Variants in TK2 observed in about 807,000 individuals in gnomAD.
TK2 encodes thymidine kinase 2, mitochondrial.
Under a neutral mutation model 41.9 loss-of-function variants are expected in TK2, and 35 were observed. The observed-to-expected ratio is 0.84, with a 90% CI of 0.64 to 1.11. The LOEUF (loss-of-function observed/expected upper bound fraction) is 1.11, where lower values mean the gene tolerates loss of function less well. Among genes scored for constraint, TK2 ranks in the 50% least tolerant of loss-of-function variants. The pLI, the probability that TK2 is intolerant of heterozygous loss-of-function variation, is 0.00. For synonymous variants in TK2, 128 were observed against 129.1 expected, an observed-to-expected ratio of 0.99 and a Z score of 0.06; for missense variants, 320 against 351.1, an observed-to-expected ratio of 0.91 and a Z score of 0.71.
chr16:66,545,558 TCACG>T (rs1965581171), intron 2 of TK2, among the ~76,000 whole-genome samples: 1 of 152,182 alleles, frequency 6.6e-6, no homozygotes, highest in South Asian at 2.1e-4. Context: ...GAGCGGTGGC[TCACG>T]CCTGTAATCC....
At chr16:66,548,209 A>G (rs1489045793) in intron 2 of TK2, 4 of 378,500 alleles carry the variant, frequency 1.1e-5, no homozygotes, top group South Asian at 3.8e-5. Flanking sequence ...AATCCTCTCT[A>G]TGTGGTTTCA....
At chr16:66,524,558 G>A (rs553132842) in intron 6 of TK2, among the ~76,000 whole-genome samples, 5 of 152,128 alleles carry the variant, frequency 3.3e-5, no homozygotes, top group Middle Eastern at 3.4e-3. Flanking sequence ...GGCTGGTCTC[G>A]AACTCCTGGC....
chr16:66,536,684 C>A, intron 4 of TK2, among the ~76,000 whole-genome samples: 1 of 152,060 alleles, frequency 6.6e-6, no homozygotes, highest in East Asian at 1.9e-4. Context: ...GAATGAGCAA[C>A]AAGAAATGGA....
At chr16:66,530,279 T>C (rs1965068912) in intron 5 of TK2, among the ~76,000 whole-genome samples, 2 of 152,246 alleles carry the variant, frequency 1.3e-5, no homozygotes, top group African/African-American at 4.8e-5. Context: ...CAGTGTTAAC[T>C]GGCTGTAGGG....
At chr16:66,542,820 C>T (rs1366832170) in intron 2 of TK2, among the ~76,000 whole-genome samples, 1 of 152,198 alleles carries the variant, frequency 6.6e-6, no homozygotes. Flanking sequence ...ACAGGGATGC[C>T]ACAGCCCAGA....
intron 4 of TK2, among the ~76,000 whole-genome samples, chr16:66,532,822 A>G (rs1965157507): frequency 6.6e-6 from 1 of 152,078 alleles, no homozygotes; most frequent in African/African-American, 2.4e-5. Flanking sequence ...TACAGATTCA[A>G]TGTAATCTCT....
rs1254720687 is a variant in TK2, at chr16:66,550,090, G to A, written c.-29C>T. On this transcript the variant is annotated 5_prime_UTR_variant, in exon 1 of 10. Coordinates refer to ENST00000544898, the MANE Select transcript of TK2 (RefSeq NM_004614.5). Reference sequence around the variant, plus strand: ...CGGGCGAGCGGATCCAGAGGCCCGGGGTTCCTTCTTGTGCGAGTCGGCGCG... The same window carrying A: ...CGGGCGAGCGGATCCAGAGGCCCGGAGTTCCTTCTTGTGCGAGTCGGCGCG... The A allele has an allele frequency of 2.5e-6, 4 of 1,604,816 alleles. No individual in the cohort carries two copies. Among genetic ancestry groups the A allele is most frequent in the Admixed American group, 3.4e-5 (2 of 58,446 alleles).
At chr16:66,530,360 G>A (rs1965072252) in intron 5 of TK2, among the ~76,000 whole-genome samples, 1 of 152,144 alleles carries the variant, frequency 6.6e-6, no homozygotes, top group Non-Finnish European at 1.5e-5. Flanking sequence ...TGAAACATAG[G>A]TGCTGATCAG....
chr16:66,512,930 C>T (rs1597073100), intron 9 of TK2, among the ~76,000 whole-genome samples: 1 of 152,322 alleles, frequency 6.6e-6, no homozygotes, highest in East Asian at 1.9e-4. Flanking sequence ...TGCCTCACAT[C>T]CCATCAAACA....
intron 8 of TK2, among the ~76,000 whole-genome samples, chr16:66,515,222 C>T (rs1190291737): frequency 6.6e-6 from 1 of 151,924 alleles, no homozygotes; most frequent in Non-Finnish European, 1.5e-5. Flanking sequence ...TTTACTGCCA[C>T]TTTTGCAGCA....
chr16:66,549,908 C>T (rs1006230188), intron 1 of TK2, 30 bp downstream of exon 1: 13 of 1,344,126 alleles, frequency 9.7e-6, no homozygotes, highest in African/African-American at 1.5e-5. Flanking sequence ...CATAGGGGCT[C>T]CTGGGAGGCG....
At chr16:66,532,573 C>T (rs1372484104) in intron 4 of TK2, among the ~76,000 whole-genome samples, 1 of 151,732 alleles carries the variant, frequency 6.6e-6, no homozygotes, top group Non-Finnish European at 1.5e-5. Flanking sequence ...CCACTGTACT[C>T]CAGCCTGGAT....
chr16:66,511,510 A>G lies in TK2; in HGVS notation c.*458T>C, dbSNP rs1964449199. 3.7e-6 allele frequency: 1 copy of G among 273,008 alleles called. No individual in the cohort carries two copies. The highest frequency in any genetic ancestry group is 2.2e-5 in the African/African-American group (1 of 44,892). 16.9% of individuals were successfully genotyped at this position (273,008 alleles called of 1,614,324 possible). On this transcript the variant is annotated 3_prime_UTR_variant, in exon 10 of 10. Coordinates refer to ENST00000544898, the MANE Select transcript of TK2 (RefSeq NM_004614.5). The stretch of plus-strand genomic sequence containing the variant: ...GTCGGCTGAAAGTCTGAATGGTGCC[A>G]GCTCCACTGCACACAGGCTGTGTGA...
chr16:66,546,740 TCCC>T (rs1965619892), intron 2 of TK2: 1 of 151,702 alleles, frequency 6.6e-6, no homozygotes, highest in Non-Finnish European at 1.5e-5. Flanking sequence ...TTTATTGAAC[TCCC>T]TACTATTTGA....
intron 6 of TK2, among the ~76,000 whole-genome samples, chr16:66,522,541 T>C (rs1261020941): frequency 1.3e-5 from 2 of 152,216 alleles, no homozygotes; most frequent in African/African-American, 4.8e-5. Context: ...ACCTTCAGCT[T>C]TTCATGCCAG....
intron 6 of TK2, among the ~76,000 whole-genome samples, chr16:66,520,287 C>A (rs184625553): frequency 3.4e-4 from 52 of 152,258 alleles, no homozygotes; most frequent in Admixed American, 1.4e-3. Flanking sequence ...TGCCTCCCTG[C>A]CTCCTCTCCG....
At chr16:66,543,368 G>A (rs1965512771) in intron 2 of TK2, among the ~76,000 whole-genome samples, 1 of 152,210 alleles carries the variant, frequency 6.6e-6, no homozygotes, top group African/African-American at 2.4e-5. Context: ...TGGAGCCCTT[G>A]AACCTGTAGC....
chr16:66,519,813 C>T (rs1006425149), intron 6 of TK2, among the ~76,000 whole-genome samples: 2 of 152,108 alleles, frequency 1.3e-5, no homozygotes, highest in Non-Finnish European at 2.9e-5. Context: ...GAGCCATGTG[C>T]AATGGGAGGC....
intron 3 of TK2, among the ~76,000 whole-genome samples, chr16:66,537,400 G>A (rs1965319373): frequency 6.6e-6 from 1 of 152,252 alleles, no homozygotes; most frequent in Non-Finnish European, 1.5e-5. Context: ...GTGGGTGGGA[G>A]AAGCCAGGAG....
Sources: allele counts gnomAD v4.1 joint callset (sites outside exome capture counted in the v4.1 genomes callset), GRCh38; gene constraint gnomAD v4.1.1; transcripts MANE v1.5; gene names NCBI Gene and HGNC (gene_info 2026-07-23, HGNC 2026-07-21).